MACROD2: variants seen among roughly 807,000 people sequenced by gnomAD.
MACROD2 encodes the protein mono-ADP ribosylhydrolase 2.
In MACROD2, 36 loss-of-function variants were observed where a neutral mutation model predicts 70.4. That is an observed-to-expected ratio of 0.51 (90% CI 0.39 to 0.68). The LOEUF is 0.68. Among genes scored for constraint, MACROD2 ranks in the 30% least tolerant of loss-of-function variants. The pLI, the probability that MACROD2 is intolerant of heterozygous loss-of-function variation, is 0.00. For synonymous variants in MACROD2, 172 were observed against 178.8 expected (o/e 0.96, Z 0.30); for missense variants, 496 against 538.4 (o/e 0.92, Z 0.78).
At chr20:15,901,780 CA>C (rs935035999) in intron 10 of MACROD2, among the ~76,000 whole-genome samples, 1 of 152,198 alleles carries the variant, frequency 6.6e-6, no homozygotes, top group African/African-American at 2.4e-5. Context: ...CAGATTAGGT[CA>C]GGGGCATGAG....
intron 4 of MACROD2, among the ~76,000 whole-genome samples, chr20:14,516,623 G>A (rs1352835785): frequency 2.0e-5 from 3 of 152,056 alleles, no homozygotes; most frequent in African/African-American, 4.8e-5. Flanking sequence ...GATGTGTGGT[G>A]TTATTTCTGA....
chr20:14,470,926 A>G (rs2084523030), intron 3 of MACROD2, among the ~76,000 whole-genome samples: 1 of 152,144 alleles, frequency 6.6e-6, no homozygotes, highest in Non-Finnish European at 1.5e-5. Flanking sequence ...TTTCCAGGGA[A>G]GTGAACAGTT....
intron 6 of MACROD2, among the ~76,000 whole-genome samples, chr20:15,290,728 G>C (rs1379164894): frequency 1.3e-5 from 2 of 152,192 alleles, no homozygotes; most frequent in Non-Finnish European, 2.9e-5. Context: ...CTTCTACGCA[G>C]TTGTCACATT....
intron 3 of MACROD2, chr20:14,325,361 C>T (rs2082716707): frequency 4.0e-6 from 2 of 494,956 alleles, no homozygotes; most frequent in Admixed American, 3.8e-5. Flanking sequence ...ATCTCCACTA[C>T]ATCAATCGCA....
chr20:14,624,391 GT>G (rs1237795992), intron 4 of MACROD2, among the ~76,000 whole-genome samples: 5 of 152,092 alleles, frequency 3.3e-5, no homozygotes, highest in Admixed American at 2.6e-4. Flanking sequence ...CTTTGATTGG[GT>G]TTTAGAATAG....
chr20:14,267,338 G>A (rs1410528191), intron 3 of MACROD2, among the ~76,000 whole-genome samples: 2 of 152,040 alleles, frequency 1.3e-5, no homozygotes, highest in East Asian at 3.9e-4. Flanking sequence ...TTTAATATGA[G>A]GGCTAGAATA....
intron 3 of MACROD2, among the ~76,000 whole-genome samples, chr20:14,274,600 C>T (rs1455347153): frequency 1.3e-5 from 2 of 151,944 alleles, no homozygotes; most frequent in African/African-American, 4.8e-5. Context: ...ACAGGGATGC[C>T]CTCTCTCACC....
At position 15,041,840 on chromosome 20, in the gene MACROD2, C is replaced by T. The variant is rs952084980; in HGVS notation, c.419-188100C>T. Reference sequence around the variant, plus strand: ...TCATTGTTTCTTGGAGTTTTAATATCGAAATGCTTCATTATATTGTTCAAT... The same window carrying T: ...TCATTGTTTCTTGGAGTTTTAATATTGAAATGCTTCATTATATTGTTCAAT... On this transcript the variant is annotated intron_variant, in intron 5 of 17. Transcript: ENST00000684519. Among the ~76,000 whole-genome samples, 13 of 152,134 alleles carry T rather than the reference C, an allele frequency of 8.5e-5. No individual in the cohort carries two copies. In the East Asian group the frequency reaches 1.2e-3, roughly 14 times the overall value.
intron 8 of MACROD2, among the ~76,000 whole-genome samples, chr20:15,667,798 A>G (rs1470388842): frequency 4.6e-5 from 7 of 152,220 alleles, no homozygotes; most frequent in Admixed American, 4.6e-4. Flanking sequence ...CTTTCAATAT[A>G]GAACAGTGTC....
chr20:14,939,097 T>C (rs1290678270), intron 5 of MACROD2, among the ~76,000 whole-genome samples: 2 of 151,990 alleles, frequency 1.3e-5, no homozygotes, highest in Admixed American at 6.6e-5. Flanking sequence ...GCAGAATCTT[T>C]AGCTTGACGT....
intron 8 of MACROD2, among the ~76,000 whole-genome samples, chr20:15,622,718 G>A (rs2049145901): frequency 6.6e-6 from 1 of 152,102 alleles, no homozygotes. Flanking sequence ...TCCTCACGTT[G>A]GCACATCACA....
intron 11 of MACROD2, among the ~76,000 whole-genome samples, chr20:15,936,671 G>GTATA (rs10626103): frequency 0.03 from 4,312 of 143,100 alleles, 224 homozygotes; most frequent in South Asian, 0.12. Context: ...GTATATGTGT[G>GTATA]TATATATATA....
At chr20:14,475,266 C>T (rs189370612) in intron 3 of MACROD2, among the ~76,000 whole-genome samples, 61 of 152,128 alleles carry the variant, frequency 4.0e-4, no homozygotes, top group Non-Finnish European at 7.4e-4. Context: ...TCCATTCCCT[C>T]CAATATTTTG....
rs1225868628 is a variant in MACROD2 at position 14,684,564 on chromosome 20, AGGATTC to A, written c.302-278_302-273del. 5.9e-5 allele frequency among the ~76,000 whole-genome samples: 9 copies of A among 152,220 alleles called. No individual in the cohort carries two copies. In the South Asian group the frequency reaches 1.7e-3, roughly 28 times the overall value. On this transcript the variant is annotated intron_variant, in intron 4 of 17. Coordinates refer to ENST00000684519, the MANE Select transcript of MACROD2 (RefSeq NM_001351661.2). Reference sequence around the variant, plus strand: ...TGAAATGGAAAAATGCTACATATCAAGGATTCTCCCACCCCAGAGAACCTGTTGTTT... The same window carrying A: ...TGAAATGGAAAAATGCTACATATCAATCCCACCCCAGAGAACCTGTTGTTT...
At chr20:14,677,807 G>A (rs59967083) in intron 4 of MACROD2, among the ~76,000 whole-genome samples, 4,033 of 152,132 alleles carry the variant, frequency 0.027, 135 homozygotes, top group African/African-American at 0.069. Context: ...GGTACTCACC[G>A]AGTCTTCAGA....
intron 7 of MACROD2, among the ~76,000 whole-genome samples, chr20:15,490,236 C>T: frequency 9.2e-6 from 1 of 108,562 alleles, no homozygotes; most frequent in Admixed American, 1.2e-4. Context: ...TTCCTTCCTC[C>T]CTTCCCTTCC....
intron 5 of MACROD2, among the ~76,000 whole-genome samples, chr20:14,744,625 T>C (rs538293963): frequency 1.2e-4 from 18 of 152,208 alleles, no homozygotes; most frequent in Non-Finnish European, 2.4e-4. Flanking sequence ...ACATCAGCTC[T>C]GGGTTTTACC....
At chr20:15,996,893 G>A (rs2066639798) in intron 15 of MACROD2, among the ~76,000 whole-genome samples, 1 of 152,140 alleles carries the variant, frequency 6.6e-6, no homozygotes, top group South Asian at 2.1e-4. Flanking sequence ...GTATAAGACA[G>A]AAGTATAATT....
intron 3 of MACROD2, among the ~76,000 whole-genome samples, chr20:14,485,956 C>T (rs2084724850): frequency 2.0e-5 from 3 of 152,020 alleles, no homozygotes; most frequent in Admixed American, 1.3e-4. Flanking sequence ...TGACCATCTG[C>T]ACTAAGAGAG....
Sources: allele counts gnomAD v4.1 joint callset (sites outside exome capture counted in the v4.1 genomes callset), GRCh38; gene constraint gnomAD v4.1.1; transcripts MANE v1.5; gene names NCBI Gene and HGNC (gene_info 2026-07-23, HGNC 2026-07-21).